Variants in DPY19L2 observed in about 807,000 individuals in gnomAD.
The protein encoded by DPY19L2 is probable C-mannosyltransferase DPY19L2.
In DPY19L2, 34 loss-of-function variants were observed where a neutral mutation model predicts 97.9. That is an observed-to-expected ratio of 0.35 (90% confidence interval 0.26 to 0.46). The LOEUF (loss-of-function observed/expected upper bound fraction) is 0.46. Among genes scored for constraint, DPY19L2 ranks in the 20% least tolerant of loss-of-function variants. The pLI, the probability that DPY19L2 is intolerant of heterozygous loss-of-function variation, is 1.00. For missense variants in DPY19L2, 623 were observed against 911.4 expected (o/e 0.68, Z 4.07); for synonymous variants, 230 against 307.9 (o/e 0.75, Z 2.65).
intron 2 of DPY19L2, among the ~76,000 whole-genome samples, chr12:63,664,161 A>AC (rs1373938950): frequency 3.3e-5 from 5 of 151,670 alleles, no homozygotes; most frequent in African/African-American, 1.2e-4. Flanking sequence ...ACATGATGAA[A>AC]CCCCGTCTGT....
At chr12:63,600,611 C>CTTTTTTTTTTTT (rs71434019) in intron 12 of DPY19L2, among the ~76,000 whole-genome samples, 1 of 110,594 alleles carries the variant, frequency 9.0e-6, no homozygotes, top group African/African-American at 3.5e-5. Flanking sequence ...TATCCTAAAT[C>CTTTTTTTTTTTT]TTTTTTTTTT....
intron 19 of DPY19L2, among the ~76,000 whole-genome samples, chr12:63,573,413 G>T (rs534171385): frequency 6.6e-6 from 1 of 151,948 alleles, no homozygotes; most frequent in Admixed American, 6.6e-5. Context: ...GGTGAAAAAA[G>T]AATAAAGAAG....
In DPY19L2 at chr12:63,559,831, C is replaced by T. The variant is rs1009948084; in HGVS notation, c.*681G>A. 1.1e-4 allele frequency: 17 copies of T among 151,994 alleles called. No homozygotes were observed. The highest frequency in any genetic ancestry group is 2.9e-5 in the Non-Finnish European group (2 of 67,990). 9.4% of individuals were successfully genotyped at this position (151,994 alleles called of 1,614,324 possible). On this transcript the variant is annotated 3_prime_UTR_variant, in exon 22 of 22. Transcript: ENST00000324472. ...CTGGAATCTAAAGAGAGATGAATAACCTCTTGAGCTTAGATGGAGAACTAA... is the reference window on the plus strand; with the variant it reads ...CTGGAATCTAAAGAGAGATGAATAATCTCTTGAGCTTAGATGGAGAACTAA...
At chr12:63,569,372 A>G (rs1467177471) in intron 20 of DPY19L2, 23 bp from the exon 21 acceptor site, 5 of 1,505,668 alleles carry the variant, frequency 3.3e-6, no homozygotes, top group Non-Finnish European at 8.9e-7. Flanking sequence ...ACAATAATTT[A>G]AAAGATTTTA....
At chr12:63,627,878 T>C (rs1889847595) in intron 6 of DPY19L2, among the ~76,000 whole-genome samples, 1 of 152,046 alleles carries the variant, frequency 6.6e-6, no homozygotes, top group South Asian at 2.1e-4. Context: ...TAAATACTGG[T>C]TGAATTAATG....
chr12:63,605,774 C>A lies in DPY19L2; in HGVS notation c.1278+2842G>T, dbSNP rs139939855. On this transcript the variant is annotated intron_variant, in intron 12 of 21. Coordinates refer to ENST00000324472, the MANE Select transcript of DPY19L2 (RefSeq NM_173812.5). ...CTTAGGAACATTCAAAATGGCTAGG[C>A]CTGGAACTGATATTTGTGTATAACA... Among the ~76,000 whole-genome samples the A allele has an allele frequency of 5.6e-3, 849 of 152,184 alleles. 7 individuals carry two copies. The highest frequency in any genetic ancestry group is 0.031 in the South Asian group (150 of 4,820).
chr12:63,647,150 C>T, intron 5 of DPY19L2, 95 bp downstream of exon 5: 1 of 1,076,746 alleles, frequency 9.3e-7, no homozygotes, highest in Non-Finnish European at 1.2e-6. Flanking sequence ...TTTAAATCAA[C>T]AACAGAATTT....
In DPY19L2 at chr12:63,609,570, A is replaced by G. The variant is rs575224917; in HGVS notation, c.1219-895T>C. On this transcript the variant is annotated intron_variant, in intron 11 of 21. Coordinates refer to ENST00000324472, the MANE Select transcript of DPY19L2 (RefSeq NM_173812.5). ...TCTGCAAACCACAAAAAGGGCTTTC[A>G]CCAAGAACCAAATCAGTTGGCACCT... is the stretch of plus-strand genomic sequence containing the variant. 4.6e-5 allele frequency among the ~76,000 whole-genome samples: 7 copies of G among 152,248 alleles called. No individual in the cohort carries two copies. The East Asian group carries it at 1.4e-3, about 29-fold the overall frequency.
intron 3 of DPY19L2, among the ~76,000 whole-genome samples, chr12:63,662,047 G>T (rs1413900662): frequency 4.6e-5 from 7 of 152,084 alleles, no homozygotes; most frequent in Non-Finnish European, 1.0e-4. Flanking sequence ...GCTCACAAAC[G>T]CTATGTACTA....
intron 6 of DPY19L2, among the ~76,000 whole-genome samples, chr12:63,634,040 A>G (rs1891194539): frequency 1.3e-5 from 2 of 148,374 alleles, no homozygotes; most frequent in African/African-American, 4.9e-5. Context: ...AGGAAGGGGA[A>G]CATCACACAC....
At chr12:63,668,562 G>A (rs1308441542), upstream of DPY19L2, 31 of 707,348 alleles carry the variant, frequency 4.4e-5, no homozygotes, top group Non-Finnish European at 6.0e-5. Flanking sequence ...GGGCGCATGC[G>A]TTGGAAGCCA....
chr12:63,560,314 A>G lies in DPY19L2; in HGVS notation c.*198T>C, dbSNP rs989025546. ...CATGAATGATTTAATAACTTATATG[A>G]CAAGCTTAATAAGGCTGACATTCAA... On this transcript the variant is annotated 3_prime_UTR_variant, in exon 22 of 22. Transcript: ENST00000324472. The G allele has an allele frequency of 3.5e-5, 19 of 539,910 alleles. No individual in the cohort carries two copies. Among genetic ancestry groups the G allele is most frequent in the Non-Finnish European group, 4.9e-5 (16 of 327,834 alleles). The allele number at this position is 539,910 out of a possible 1,614,324, so 33.4% of individuals were successfully genotyped here. A position where few individuals can be genotyped will look rare whatever the true frequency, so the allele number is the denominator to read the frequency against.
rs1360678847 is a variant in DPY19L2 at position 63,668,144 on chromosome 12, A to T, written c.250T>A (p.Phe84Ile). 2 of 1,613,928 alleles carry T rather than the reference A, an allele frequency of 1.2e-6. No homozygotes were observed. Among genetic ancestry groups the T allele is most frequent in the East Asian group, 4.5e-5 (2 of 44,820 alleles). Residue 84 changes from phenylalanine to isoleucine, a missense_variant, in exon 1 of 22, where the codon TTC becomes ATC. By Grantham distance (21) the Phe-to-Ile change is conservative. This residue lies in a region of DPY19L2 where 144 missense variants were observed against 119.4 expected (regional missense o/e 1.21). Transcript: ENST00000324472. ...AGCTGCGCCAGGGAATTACGGACGA[A>T]CTGGAAGGGGCCGAGAAGAAAGGTC... ...AKTFLLGPFQ[F>I]VRNSLAQLRE...
At chr12:63,587,967 G>T (rs1440857359) in intron 16 of DPY19L2, among the ~76,000 whole-genome samples, 1 of 152,066 alleles carries the variant, frequency 6.6e-6, no homozygotes, top group Non-Finnish European at 1.5e-5. Flanking sequence ...AACATTAATG[G>T]TAATGCTACA....
chr12:63,629,849 C>G (rs1018628403), intron 6 of DPY19L2, among the ~76,000 whole-genome samples: 6 of 152,292 alleles, frequency 3.9e-5, no homozygotes, highest in Middle Eastern at 3.4e-3. Flanking sequence ...GGAAGCCCAT[C>G]AGACTAACAG....
intron 6 of DPY19L2, among the ~76,000 whole-genome samples, chr12:63,638,965 T>G (rs1295633184): frequency 6.6e-6 from 1 of 152,104 alleles, no homozygotes; most frequent in Non-Finnish European, 1.5e-5. Flanking sequence ...ACTACAAGGC[T>G]ACAGTAACCA....
At chr12:63,595,131 T>C (rs1592495014) in intron 15 of DPY19L2, among the ~76,000 whole-genome samples, 1 of 152,220 alleles carries the variant, frequency 6.6e-6, no homozygotes, top group Non-Finnish European at 1.5e-5. Context: ...GTGAGAAGTG[T>C]GGCAACTAAA....
chr12:63,604,376 G>A (rs1885694262), intron 12 of DPY19L2, among the ~76,000 whole-genome samples: 1 of 152,164 alleles, frequency 6.6e-6, no homozygotes, highest in Admixed American at 6.5e-5. Flanking sequence ...TACAGATTCT[G>A]CAGGTGTGTC....
intron 5 of DPY19L2, among the ~76,000 whole-genome samples, chr12:63,646,743 G>T (rs1037204722): frequency 1.3e-5 from 2 of 152,074 alleles, no homozygotes; most frequent in Non-Finnish European, 2.9e-5. Flanking sequence ...CTTTGACAAA[G>T]AAACCAATGT....
Sources: allele counts gnomAD v4.1 joint callset (sites outside exome capture counted in the v4.1 genomes callset), GRCh38; gene constraint gnomAD v4.1.1; regional missense constraint gnomAD v4.1.1; transcripts MANE v1.5; gene names NCBI Gene and HGNC (gene_info 2026-07-23, HGNC 2026-07-21).